Variants in PDE4D observed in about 807,000 individuals in gnomAD.
The protein encoded by PDE4D is phosphodiesterase 4D.
PDE4D carries 24 observed loss-of-function variants against 87.4 expected under a neutral mutation model. The ratio of observed to expected loss-of-function variants is 0.27; its 90% confidence interval spans 0.20 to 0.39. The LOEUF (loss-of-function observed/expected upper bound fraction) is 0.39. Among genes scored for constraint, PDE4D ranks in the 10% least tolerant of loss-of-function variants. PDE4D has a pLI of 1.00. For missense variants in PDE4D, 714 were observed against 1,041.0 expected (o/e 0.69, Z 4.32); for synonymous variants, 384 against 383.2 (o/e 1.00, Z -0.02).
At chr5:59,831,103 G>A (rs528290562) in intron 1 of PDE4D, among the ~76,000 whole-genome samples, 2 of 152,018 alleles carry the variant, frequency 1.3e-5, no homozygotes, top group East Asian at 1.9e-4. Flanking sequence ...ATGAGAAAGG[G>A]TCAGAAACAA....
intron 1 of PDE4D, among the ~76,000 whole-genome samples, chr5:59,316,809 C>T (rs1424990500): frequency 1.3e-5 from 2 of 152,180 alleles, no homozygotes; most frequent in Non-Finnish European, 2.9e-5. Flanking sequence ...AAACAGATGT[C>T]ATAATAACCA....
intron 2 of PDE4D, among the ~76,000 whole-genome samples, chr5:59,200,107 GCA>G (rs554877837): frequency 0.011 from 1,616 of 141,016 alleles, 35 homozygotes; most frequent in African/African-American, 0.045. Context: ...ATACATGTAT[GCA>G]CACACATACA....
intron 1 of PDE4D, among the ~76,000 whole-genome samples, chr5:60,235,174 CT>C: frequency 6.6e-6 from 1 of 151,878 alleles, no homozygotes; most frequent in Admixed American, 6.6e-5. Context: ...GTAAGTGCTC[CT>C]TAGAGGGTTA....
chr5:59,285,953 C>T (rs1334508738), intron 1 of PDE4D, among the ~76,000 whole-genome samples: 1 of 152,194 alleles, frequency 6.6e-6, no homozygotes, highest in Non-Finnish European at 1.5e-5. Context: ...TCTGCAACCC[C>T]TCACTCTCGA....
chr5:59,499,881 CA>C (rs201205880), intron 1 of PDE4D, among the ~76,000 whole-genome samples: 34,155 of 137,300 alleles, frequency 0.25, 4,177 homozygotes, highest in Non-Finnish European at 0.32. Flanking sequence ...TGAAAGTATT[CA>C]AAAAAAAAAA....
chr5:60,424,436 T>A (rs935839882), intron 1 of PDE4D, among the ~76,000 whole-genome samples: 1 of 152,180 alleles, frequency 6.6e-6, no homozygotes, highest in African/African-American at 2.4e-5. Context: ...AAAAACCACA[T>A]GATTATCTCA....
Position 59,756,509 on chromosome 5 carries a change from TACACAC to T in PDE4D, c.455+136653_455+136658del, listed in dbSNP as rs3062590. On this transcript the variant is annotated intron_variant, in intron 1 of 14. Transcript: ENST00000340635. ...TCTATGTGCATGTAAACCCAAAACATACACACACACACACACACACACACACAGAGA... is the reference window on the plus strand; with the variant it reads ...TCTATGTGCATGTAAACCCAAAACATACACACACACACACACACACAGAGA... Among the ~76,000 whole-genome samples the T allele has an allele frequency of 2.8e-5, 4 of 144,924 alleles. No individual in the cohort carries two copies. The South Asian group carries it at 6.6e-4, about 24-fold the overall frequency.
At chr5:59,122,357 A>C (rs948595865) in intron 5 of PDE4D, among the ~76,000 whole-genome samples, 1 of 152,160 alleles carries the variant, frequency 6.6e-6, no homozygotes, top group Non-Finnish European at 1.5e-5. Context: ...AAAAAACTTG[A>C]ACTCATGAAG....
intron 1 of PDE4D, among the ~76,000 whole-genome samples, chr5:59,621,478 A>G (rs968341948): frequency 6.6e-6 from 1 of 152,200 alleles, no homozygotes; most frequent in African/African-American, 2.4e-5. Flanking sequence ...TATGATCAGA[A>G]AGCAAACCTG....
chr5:58,993,552 G>A, intron 6 of PDE4D, 87 bp from the exon 7 acceptor site: 1 of 792,212 alleles, frequency 1.3e-6, no homozygotes, highest in South Asian at 1.8e-5. Context: ...AGGAAGATAT[G>A]CCCAAAGAAT....
intron 1 of PDE4D, among the ~76,000 whole-genome samples, chr5:59,737,127 CATA>C (rs10534999): frequency 0.26 from 39,742 of 151,860 alleles, 5,546 homozygotes; most frequent in African/African-American, 0.34. Flanking sequence ...TCTGCATTTA[CATA>C]ATAACATTTA....
At chr5:59,700,325 T>A (rs1752383235) in intron 1 of PDE4D, among the ~76,000 whole-genome samples, 1 of 152,216 alleles carries the variant, frequency 6.6e-6, no homozygotes, top group African/African-American at 2.4e-5. Context: ...TGGCCTATCA[T>A]ACCTATGACA....
intron 1 of PDE4D, among the ~76,000 whole-genome samples, chr5:59,290,628 T>C (rs552174884): frequency 2.6e-5 from 4 of 152,058 alleles, no homozygotes; most frequent in South Asian, 4.2e-4. Context: ...AAAGGAACAA[T>C]TGACAAAGTG....
chr5:59,306,640 TC>T (rs1771437466), intron 1 of PDE4D, among the ~76,000 whole-genome samples: 1 of 151,620 alleles, frequency 6.6e-6, no homozygotes, highest in Non-Finnish European at 1.5e-5. Flanking sequence ...TACCTATGAA[TC>T]CAACTTACAA....
intron 1 of PDE4D, among the ~76,000 whole-genome samples, chr5:60,392,784 A>G (rs1220315556): frequency 2.0e-5 from 3 of 152,196 alleles, no homozygotes; most frequent in Non-Finnish European, 4.4e-5. Context: ...TTAAAAAAAA[A>G]TTTAAGCAAA....
intron 1 of PDE4D, among the ~76,000 whole-genome samples, chr5:59,336,115 T>C (rs773645526): frequency 1.6e-4 from 24 of 152,344 alleles, no homozygotes; most frequent in Middle Eastern, 3.4e-3. Context: ...GCTGTGACTC[T>C]GAAGGAAGTT....
At chr5:59,752,631 A>G (rs1416280464) in intron 1 of PDE4D, among the ~76,000 whole-genome samples, 1 of 152,112 alleles carries the variant, frequency 6.6e-6, no homozygotes, top group Non-Finnish European at 1.5e-5. Context: ...GTGCTTGGAG[A>G]CATTTTGAAT....
rs571889574 is a variant in PDE4D, at chr5:59,168,198, C to T, written c.808+12397G>A. 6.6e-5 allele frequency among the ~76,000 whole-genome samples: 10 copies of T among 152,100 alleles called. No individual in the cohort carries two copies. The East Asian group carries it at 1.7e-3, about 26-fold the overall frequency. On this transcript the variant is annotated intron_variant, in intron 5 of 14. Transcript: ENST00000340635. ...GACATGGTGAGCTAGGAAACTTTTG[C>T]CTAGCAATGGTAGCTAAGAGATGAT...
rs554934957 is a variant in PDE4D, at chr5:59,486,203, C to T, written c.456-270235G>A. ...GTTAGAGACTTTGTAATAGATGTGGCACCTCTGGGCTTCTGAAAAGAATGT... is the reference window on the plus strand; with the variant it reads ...GTTAGAGACTTTGTAATAGATGTGGTACCTCTGGGCTTCTGAAAAGAATGT... On this transcript the variant is annotated intron_variant, in intron 1 of 14. Transcript: ENST00000340635. Among the ~76,000 whole-genome samples, 12 of 152,164 alleles carry T rather than the reference C, an allele frequency of 7.9e-5. No individual in the cohort carries two copies. In the South Asian group the frequency reaches 2.3e-3, roughly 29 times the overall value.
Sources: allele counts gnomAD v4.1 joint callset (sites outside exome capture counted in the v4.1 genomes callset), GRCh38; gene constraint gnomAD v4.1.1; transcripts MANE v1.5; gene names NCBI Gene and HGNC (gene_info 2026-07-23, HGNC 2026-07-21).